Variants in CTNNA3 observed in about 807,000 individuals in gnomAD.
CTNNA3 encodes catenin alpha-3.
Under a neutral mutation model 95.7 loss-of-function variants are expected in CTNNA3, and 76 were observed. The observed-to-expected ratio is 0.79, with a 90% CI of 0.66 to 0.96. The LOEUF (loss-of-function observed/expected upper bound fraction) is 0.96, where lower values mean the gene tolerates loss of function less well. CTNNA3 is among the 40% of genes least tolerant of loss of function. The pLI, the probability that CTNNA3 is intolerant of heterozygous loss-of-function variation, is 0.00. For missense variants in CTNNA3, 1,191 were observed against 1,089.8 expected (o/e 1.09, Z -1.31); for synonymous variants, 431 against 374.4 (o/e 1.15, Z -1.74).
intron 7 of CTNNA3, among the ~76,000 whole-genome samples, chr10:66,812,750 C>T (rs1304413120): frequency 1.3e-5 from 2 of 152,066 alleles, no homozygotes; most frequent in Admixed American, 1.3e-4. Context: ...CTCTGGCTTG[C>T]TTTCTTCATC....
chr10:66,261,877 C>T (rs1247571021), intron 13 of CTNNA3, among the ~76,000 whole-genome samples: 1 of 151,904 alleles, frequency 6.6e-6, no homozygotes, highest in Non-Finnish European at 1.5e-5. Flanking sequence ...CTGTACTCTT[C>T]CACCAATTAA....
chr10:67,003,669 A>T (rs1174618495), intron 7 of CTNNA3, among the ~76,000 whole-genome samples: 1 of 152,168 alleles, frequency 6.6e-6, no homozygotes, highest in African/African-American at 2.4e-5. Flanking sequence ...ATTAACATAA[A>T]ACTAGTGGCA....
intron 5 of CTNNA3, among the ~76,000 whole-genome samples, chr10:67,450,795 A>G (rs961293463): frequency 1.3e-5 from 2 of 152,068 alleles, no homozygotes; most frequent in African/African-American, 4.8e-5. Context: ...AAGTTTAAAA[A>G]AAAGTTAAAG....
intron 13 of CTNNA3, among the ~76,000 whole-genome samples, chr10:66,194,508 A>G (rs2086848264): frequency 6.6e-6 from 1 of 152,112 alleles, no homozygotes. Context: ...TGAACACTGG[A>G]GGTGGAGGTT....
chr10:67,623,419 G>T (rs930264029), intron 2 of CTNNA3, among the ~76,000 whole-genome samples: 10 of 152,114 alleles, frequency 6.6e-5, no homozygotes, highest in Non-Finnish European at 1.2e-4. Context: ...GCCTTTAGAG[G>T]GGGTTGTGGT....
chr10:67,509,001 C>T (rs1386641639), intron 5 of CTNNA3, among the ~76,000 whole-genome samples: 3 of 151,842 alleles, frequency 2.0e-5, no homozygotes, highest in East Asian at 1.9e-4. Flanking sequence ...CTCAGCCTCC[C>T]GTATAGCAGG....
At chr10:66,590,332 GC>G (rs1168164834) in intron 10 of CTNNA3, among the ~76,000 whole-genome samples, 1 of 152,084 alleles carries the variant, frequency 6.6e-6, no homozygotes, top group Non-Finnish European at 1.5e-5. Context: ...CAGACTGGAA[GC>G]CCACTGCTCT....
At chr10:66,587,493 G>T (rs141980730) in intron 10 of CTNNA3, among the ~76,000 whole-genome samples, 1 of 152,114 alleles carries the variant, frequency 6.6e-6, no homozygotes, top group African/African-American at 2.4e-5. Context: ...AGGGCAGGTG[G>T]AGGGGCAAAG....
intron 11 of CTNNA3, among the ~76,000 whole-genome samples, chr10:66,501,198 G>T (rs926428770): frequency 1.3e-5 from 2 of 152,172 alleles, no homozygotes; most frequent in Non-Finnish European, 2.9e-5. Context: ...AGAGATGAAT[G>T]AAATCTATCA....
At chr10:66,844,799 C>T (rs1052465475) in intron 7 of CTNNA3, among the ~76,000 whole-genome samples, 6 of 152,144 alleles carry the variant, frequency 3.9e-5, no homozygotes. Context: ...TTGATATTCT[C>T]TCACAAACAC....
chr10:66,382,044 C>T (rs1296576583), intron 11 of CTNNA3, among the ~76,000 whole-genome samples: 6 of 152,124 alleles, frequency 3.9e-5, no homozygotes, highest in African/African-American at 1.4e-4. Flanking sequence ...TCTGCATTTC[C>T]AACTGAAGTA....
chr10:66,899,023 A>T (rs566544682), intron 7 of CTNNA3, among the ~76,000 whole-genome samples: 1 of 152,332 alleles, frequency 6.6e-6, no homozygotes, highest in Non-Finnish European at 1.5e-5. Flanking sequence ...ACAGCAGAAA[A>T]CTAAATTATC....
chr10:67,560,798 C>T (rs1451355259), intron 3 of CTNNA3, among the ~76,000 whole-genome samples: 1 of 151,766 alleles, frequency 6.6e-6, no homozygotes, highest in Non-Finnish European at 1.5e-5. Context: ...GGAAGATCTA[C>T]CAAGCAAATG....
chr10:66,717,526 T>C (rs570428204), intron 9 of CTNNA3, among the ~76,000 whole-genome samples: 2 of 152,230 alleles, frequency 1.3e-5, no homozygotes, highest in Admixed American at 6.5e-5. Context: ...GTTCAATACA[T>C]GTCTGTCAAA....
intron 15 of CTNNA3, among the ~76,000 whole-genome samples, chr10:66,007,278 T>C (rs1037984737): frequency 3.3e-5 from 5 of 152,198 alleles, no homozygotes; most frequent in African/African-American, 1.2e-4. Context: ...TAATCAGCCT[T>C]AGTTCAGACG....
At chr10:66,454,904 CA>C (rs1206376706) in intron 11 of CTNNA3, among the ~76,000 whole-genome samples, 1 of 151,892 alleles carries the variant, frequency 6.6e-6, no homozygotes, top group African/African-American at 2.4e-5. Flanking sequence ...CATATATTAG[CA>C]TGTGTGTATG....
intron 13 of CTNNA3, among the ~76,000 whole-genome samples, chr10:66,118,872 G>C (rs192574800): frequency 5.7e-4 from 87 of 152,060 alleles, no homozygotes; most frequent in African/African-American, 2.0e-3. Context: ...CAATGACTGT[G>C]TTTGTGTGTC....
intron 14 of CTNNA3, among the ~76,000 whole-genome samples, chr10:66,101,895 TA>T (rs1281953831): frequency 6.6e-6 from 1 of 152,194 alleles, no homozygotes; most frequent in African/African-American, 2.4e-5. Context: ...TGGTAAGGAC[TA>T]AAGTTGTTTT....
chr10:66,551,917 T>TTTTTCTTTTTTTTTG (rs1842230597), intron 10 of CTNNA3, among the ~76,000 whole-genome samples: 1 of 147,412 alleles, frequency 6.8e-6, no homozygotes, highest in Non-Finnish European at 1.5e-5. Context: ...TTTTTTTTTT[T>TTTTTCTTTTTTTTTG]TCTGAGACAG....
Sources: allele counts gnomAD v4.1 joint callset (sites outside exome capture counted in the v4.1 genomes callset), GRCh38; gene constraint gnomAD v4.1.1; transcripts MANE v1.5; gene names NCBI Gene and HGNC (gene_info 2026-07-23, HGNC 2026-07-21).